NRG1: variants seen among roughly 807,000 people sequenced by gnomAD.
NRG1 encodes neuregulin 1, also known as pro-neuregulin-1, membrane-bound isoform.
Under a neutral mutation model 63.8 loss-of-function variants are expected in NRG1, and 18 were observed. The observed-to-expected ratio is 0.28, with a 90% CI of 0.19 to 0.42. NRG1 has a LOEUF of 0.42. NRG1 is among the 10% of genes least tolerant of loss of function. The pLI is 1.00. For missense variants in NRG1, 762 were observed against 814.7 expected, an observed-to-expected ratio of 0.94 and a Z score of 0.79; for synonymous variants, 302 against 301.3, an observed-to-expected ratio of 1.00 and a Z score of -0.02.
chr8:32,741,911 T>C lies in NRG1; in HGVS notation c.633-764T>C, dbSNP rs532632206. The C allele has an allele frequency of 6.8e-5, 58 of 846,968 alleles. No homozygotes were observed. In the South Asian group the frequency reaches 8.3e-4, roughly 12 times the overall value. The allele number at this position is 846,968 out of a possible 1,614,324, so 52.5% of individuals were successfully genotyped here. Reference sequence around the variant, plus strand: ...TTATATTGCTTGGTACCAGATCATTTTTAGGAATCTCCATATTCCATAGGA... The same window carrying C: ...TTATATTGCTTGGTACCAGATCATTCTTAGGAATCTCCATATTCCATAGGA... On this transcript the variant is annotated intron_variant, in intron 6 of 11. Coordinates refer to ENST00000356819, the Ensembl canonical transcript of NRG1.
At chr8:32,482,819 A>G (rs1172940094) in intron 1 of NRG1, among the ~76,000 whole-genome samples, 1 of 152,188 alleles carries the variant, frequency 6.6e-6, no homozygotes, top group East Asian at 1.9e-4. Context: ...GTAGTGGAAT[A>G]ACATGCAGAC....
intron 1 of NRG1, among the ~76,000 whole-genome samples, chr8:32,515,905 C>G (rs188136731): frequency 6.6e-5 from 10 of 152,166 alleles, no homozygotes; most frequent in Non-Finnish European, 1.3e-4. Context: ...TGTGCAGAAG[C>G]TCTTCAGTGT....
chr8:31,879,262 A>G (rs1585454486), intron 1 of NRG1, among the ~76,000 whole-genome samples: 1 of 152,326 alleles, frequency 6.6e-6, no homozygotes, highest in East Asian at 1.9e-4. Flanking sequence ...CTTTATTCCA[A>G]TGAAAGATAA....
At chr8:32,053,015 A>G (rs1047420414) in intron 1 of NRG1, among the ~76,000 whole-genome samples, 1 of 152,200 alleles carries the variant, frequency 6.6e-6, no homozygotes, top group Admixed American at 6.5e-5. Context: ...TAGTAAACAT[A>G]GAATGAACTT....
At chr8:32,570,582 G>A (rs1200940010) in intron 1 of NRG1, among the ~76,000 whole-genome samples, 1 of 152,022 alleles carries the variant, frequency 6.6e-6, no homozygotes, top group African/African-American at 2.4e-5. Context: ...TAAATAAGTG[G>A]TTTGCTCCAC....
At chr8:31,930,838 T>G (rs1337399928) in intron 1 of NRG1, among the ~76,000 whole-genome samples, 3 of 152,190 alleles carry the variant, frequency 2.0e-5, no homozygotes, top group Non-Finnish European at 4.4e-5. Flanking sequence ...GAATGAAGAA[T>G]CATCTGTAGC....
chr8:32,725,181 G>A (rs1821773954), intron 5 of NRG1, among the ~76,000 whole-genome samples: 1 of 152,090 alleles, frequency 6.6e-6, no homozygotes, highest in African/African-American at 2.4e-5. Flanking sequence ...TTTAGCAAAA[G>A]CCTTGGCATT....
intron 1 of NRG1, among the ~76,000 whole-genome samples, chr8:31,972,831 C>A (rs759385147): frequency 6.6e-6 from 1 of 152,196 alleles, no homozygotes; most frequent in Non-Finnish European, 1.5e-5. Flanking sequence ...GACTGTATAT[C>A]TCACTCTTCT....
chr8:32,432,178 A>G (rs987523631), intron 1 of NRG1, among the ~76,000 whole-genome samples: 1 of 152,204 alleles, frequency 6.6e-6, no homozygotes, highest in Non-Finnish European at 1.5e-5. Context: ...AACTCCCATC[A>G]TTAGGTAAAC....
intron 1 of NRG1, among the ~76,000 whole-genome samples, chr8:32,121,444 GA>G (rs1833433537): frequency 6.6e-6 from 1 of 151,558 alleles, no homozygotes; most frequent in African/African-American, 2.4e-5. Context: ...CTTTGTAAGG[GA>G]CATCATAAAA....
At chr8:32,510,641 A>G (rs1829067386) in intron 1 of NRG1, among the ~76,000 whole-genome samples, 1 of 152,156 alleles carries the variant, frequency 6.6e-6, no homozygotes, top group African/African-American at 2.4e-5. Flanking sequence ...TGGAGAAGAC[A>G]TGGCTGTGCT....
At chr8:32,361,597 C>A (rs943490825) in intron 1 of NRG1, among the ~76,000 whole-genome samples, 4 of 152,046 alleles carry the variant, frequency 2.6e-5, no homozygotes, top group African/African-American at 9.7e-5. Context: ...CTCTTTGATC[C>A]AGCTCTGACC....
chr8:32,692,926 T>C (rs1812189758), intron 5 of NRG1, among the ~76,000 whole-genome samples: 1 of 152,102 alleles, frequency 6.6e-6, no homozygotes, highest in African/African-American at 2.4e-5. Flanking sequence ...TCCAGTTAGG[T>C]AGTTGAAAAG....
intron 1 of NRG1, among the ~76,000 whole-genome samples, chr8:31,684,700 A>G (rs1054394627): frequency 2.6e-5 from 4 of 152,142 alleles, no homozygotes; most frequent in East Asian, 1.9e-4. Context: ...TGTGATGTAT[A>G]TATTACTGAT....
chr8:31,831,954 T>C (rs1347492676), intron 1 of NRG1, among the ~76,000 whole-genome samples: 1 of 152,162 alleles, frequency 6.6e-6, no homozygotes, highest in South Asian at 2.1e-4. Context: ...TTTAAATCTG[T>C]TGTTACTCTC....
rs1218587735 is a variant in NRG1, at chr8:32,742,753, GTC to G, written c.691+24_691+25del. 1.2e-6 allele frequency: 2 copies of G among 1,613,574 alleles called. No individual in the cohort carries two copies. Among genetic ancestry groups the G allele is most frequent in the South Asian group, 1.1e-5 (1 of 91,060 alleles). The stretch of plus-strand genomic sequence containing the variant: ...TCTACAGTACGTCCACTCCCTTTCT[GTC>G]TCTGCCTGAATAGGAGCATGCTCAG... On this transcript the variant is annotated intron_variant, in intron 7 of 11. Coordinates refer to ENST00000356819, the Ensembl canonical transcript of NRG1. The surrounding 1 kb of genome is among the most constrained non-coding windows in gnomAD (Gnocchi z 4.2).
chr8:31,938,293 C>A (rs1169011483), intron 1 of NRG1, among the ~76,000 whole-genome samples: 3 of 152,046 alleles, frequency 2.0e-5, no homozygotes, highest in African/African-American at 7.2e-5. Context: ...GGTGGCTAGA[C>A]CCAGAAGAGC....
intron 1 of NRG1, among the ~76,000 whole-genome samples, chr8:32,284,285 C>A (rs953278356): frequency 2.0e-5 from 3 of 152,024 alleles, no homozygotes; most frequent in Non-Finnish European, 4.4e-5. Context: ...AATCTCCTAC[C>A]CTTCATGTCT....
intron 1 of NRG1, among the ~76,000 whole-genome samples, chr8:31,643,981 G>A (rs1804049786): frequency 6.6e-6 from 1 of 152,140 alleles, no homozygotes; most frequent in Non-Finnish European, 1.5e-5. Context: ...ATGTATGCAT[G>A]TATTGATAAT....
Sources: allele counts gnomAD v4.1 joint callset (sites outside exome capture counted in the v4.1 genomes callset), GRCh38; gene constraint gnomAD v4.1.1; non-coding constraint Gnocchi (gnomAD v3.1); transcripts MANE v1.5; gene names NCBI Gene and HGNC (gene_info 2026-07-23, HGNC 2026-07-21).